The following SMARCA4 variants were observed in gnomAD, a reference collection of about 807,000 sequenced individuals.
SMARCA4 encodes SWI/SNF-related matrix-associated actin-dependent regulator of chromatin subfamily A member 4.
Under a neutral mutation model 193.9 loss-of-function variants are expected in SMARCA4, and 31 were observed. The ratio of observed to expected loss-of-function variants is 0.16; its 90% CI spans 0.12 to 0.22. The LOEUF (loss-of-function observed/expected upper bound fraction) is 0.22, where lower values mean the gene tolerates loss of function less well. Among genes scored for constraint, SMARCA4 ranks in the 10% least tolerant of loss-of-function variants. The probability of loss-of-function intolerance (pLI) is 1.00; values close to 1 mark genes in which losing one functional copy is unlikely to be tolerated. For synonymous variants in SMARCA4, 942 were observed against 933.1 expected (o/e 1.01, Z -0.17); for missense variants, 1,148 against 2,296.0 (o/e 0.50, Z 10.22).
At chr19:11,036,323 G>A (rs117987442) in intron 29 of SMARCA4, among the ~76,000 whole-genome samples, 8 of 152,312 alleles carry the variant, frequency 5.3e-5, no homozygotes, top group Admixed American at 1.3e-4. Context: ...AAGTCTTGCT[G>A]TGTTACCCAG....
At chr19:11,027,134 GGTA>G (rs1182161450) in intron 23 of SMARCA4, among the ~76,000 whole-genome samples, 3 of 152,150 alleles carry the variant, frequency 2.0e-5, no homozygotes, top group East Asian at 1.9e-4. Context: ...ATTCCCCTGG[GGTA>G]GTAAGCCATT....
intron 11 of SMARCA4, among the ~76,000 whole-genome samples, 172 bp from the exon 12 acceptor site, chr19:11,002,857 A>C (rs1000796275): frequency 7.2e-5 from 11 of 151,744 alleles, no homozygotes; most frequent in Non-Finnish European, 1.3e-4. Flanking sequence ...GATGGGTTAT[A>C]TATTTTTACT....
In SMARCA4 at chr19:11,013,056, G is replaced by T. The variant is rs373048420; in HGVS notation, c.2382G>T (p.Thr794=). Residue 794 remains threonine, a synonymous_variant, in exon 16 of 35, where the codon ACG becomes ACT. Coordinates refer to ENST00000344626, the MANE Select transcript of SMARCA4 (RefSeq NM_003072.5). ...GKTIQTIALI[T]YLMEHKRING... Reference sequence around the variant, plus strand: ...CCATCCAGACCATCGCGCTCATCACGTACCTCATGGAGCACAAACGCATCA... The same window carrying T: ...CCATCCAGACCATCGCGCTCATCACTTACCTCATGGAGCACAAACGCATCA... 4.3e-6 allele frequency: 7 copies of T among 1,614,108 alleles called. No homozygotes were observed. The highest frequency in any genetic ancestry group is 5.9e-6 in the Non-Finnish European group (7 of 1,179,996).
At chr19:10,978,553 C>G (rs541750282) in intron 1 of SMARCA4, among the ~76,000 whole-genome samples, 15 of 151,866 alleles carry the variant, frequency 9.9e-5, no homozygotes, top group Admixed American at 5.9e-4. Context: ...AGGCTGGTCT[C>G]GAACTCCTGA....
At chr19:11,051,066 T>G (rs934701406) in intron 30 of SMARCA4, among the ~76,000 whole-genome samples, 17 of 152,304 alleles carry the variant, frequency 1.1e-4, no homozygotes, top group African/African-American at 4.1e-4. Flanking sequence ...CTAAAAGTCA[T>G]GGATGGAGTT....
chr19:11,033,997 C>A lies in SMARCA4; in HGVS notation c.3874-126C>A. 2.6e-6 allele frequency: 2 copies of A among 781,438 alleles called. No homozygotes were observed. The highest frequency in any genetic ancestry group is 4.6e-6 in the Non-Finnish European group (2 of 433,028). The allele number at this position is 781,438 out of a possible 1,614,324, so 48.4% of individuals were successfully genotyped here. ...GTGTGCCTTTCGCTGCCGTGTGGGT[C>A]CCCATCCACCGCAGCCGTGCCGGGA... On this transcript the variant is annotated intron_variant, in intron 27 of 34. Transcript: ENST00000344626. This position sits in a 1 kb window ranked among gnomAD's most constrained non-coding sequence, Gnocchi z 9.8.
At chr19:11,010,820 G>A (rs1411374760) in intron 15 of SMARCA4, 3 of 457,936 alleles carry the variant, frequency 6.6e-6, no homozygotes, top group South Asian at 4.0e-5. Flanking sequence ...CAGAGGAGAC[G>A]GGGCCACCTG....
At chr19:11,002,799 CAAAAAAAAAAA>C (rs747143883) in intron 11 of SMARCA4, among the ~76,000 whole-genome samples, 3 of 83,700 alleles carry the variant, frequency 3.6e-5, no homozygotes, top group East Asian at 3.7e-4. Context: ...GACTCCGTCT[CAAAAAAAAAAA>C]AAAAAAAAAA....
intron 29 of SMARCA4, among the ~76,000 whole-genome samples, chr19:11,038,291 T>A (rs2075379594): frequency 1.3e-5 from 2 of 152,176 alleles, no homozygotes; most frequent in African/African-American, 4.8e-5. Flanking sequence ...CTGTGTCCCC[T>A]TCTGTGTCTT....
Position 10,963,018 on chromosome 19 carries a change from C to T in SMARCA4, c.-32+1844C>T, listed in dbSNP as rs539660828. 2.0e-5 allele frequency among the ~76,000 whole-genome samples: 3 copies of T among 152,150 alleles called. No homozygotes were observed. The East Asian group carries it at 5.8e-4, about 29-fold the overall frequency. On this transcript the variant is annotated intron_variant, in intron 1 of 34. Coordinates refer to ENST00000344626, the MANE Select transcript of SMARCA4 (RefSeq NM_003072.5). Reference sequence around the variant, plus strand: ...GGCCTGACACATAGTAGGTCTTTAGCGAACTTATGTGGATTGAATGAGGGG... The same window carrying T: ...GGCCTGACACATAGTAGGTCTTTAGTGAACTTATGTGGATTGAATGAGGGG...
intron 11 of SMARCA4, 38 bp downstream of exon 11, chr19:10,996,582 G>A (rs1335638417): frequency 1.9e-6 from 3 of 1,589,318 alleles, no homozygotes; most frequent in Non-Finnish European, 2.6e-6. Context: ...TATCAAGCTA[G>A]CCCTAAGGCG....
At chr19:10,961,651 C>G (rs886379854) in intron 1 of SMARCA4, 2 of 152,224 alleles carry the variant, frequency 1.3e-5, no homozygotes, top group Non-Finnish European at 2.9e-5. Context: ...GTCGGCCGGA[C>G]ACGGGCATTA....
At chr19:10,975,017 CTTTT>C (rs760199710) in intron 1 of SMARCA4, among the ~76,000 whole-genome samples, 2 of 101,042 alleles carry the variant, frequency 2.0e-5, no homozygotes, top group African/African-American at 8.0e-5. Flanking sequence ...TATAGTTATT[CTTTT>C]TTTTTTTTTT....
At chr19:11,044,978 T>C (rs2075817526) in intron 30 of SMARCA4, among the ~76,000 whole-genome samples, 1 of 152,202 alleles carries the variant, frequency 6.6e-6, no homozygotes, top group South Asian at 2.1e-4. Context: ...ATAGTACTGC[T>C]ACCTGGAAGA....
intron 30 of SMARCA4, among the ~76,000 whole-genome samples, chr19:11,045,078 TGGG>T (rs1308267751): frequency 6.6e-6 from 1 of 152,212 alleles, no homozygotes; most frequent in Non-Finnish European, 1.5e-5. Context: ...CCCAGCACTT[TGGG>T]AGGCCGAGGC....
intron 11 of SMARCA4, among the ~76,000 whole-genome samples, chr19:11,000,602 C>T (rs1396097187): frequency 3.9e-5 from 6 of 151,924 alleles, no homozygotes; most frequent in Admixed American, 3.9e-4. Context: ...AGTAATGGGC[C>T]AGGTGCGGTG....
At chr19:11,049,520 T>TGTAGCCCA (rs2076140503) in intron 30 of SMARCA4, among the ~76,000 whole-genome samples, 1 of 151,116 alleles carries the variant, frequency 6.6e-6, no homozygotes, top group Non-Finnish European at 1.5e-5. Context: ...AGTCTTGCTC[T>TGTAGCCCA]GTAGCCCAGG....
At chr19:11,047,005 A>G (rs995267719) in intron 30 of SMARCA4, among the ~76,000 whole-genome samples, 1 of 151,886 alleles carries the variant, frequency 6.6e-6, no homozygotes, top group African/African-American at 2.4e-5. Context: ...AATAATTTCA[A>G]ACATGATGTT....
chr19:10,991,715 AGGGCCCT>A (rs960366161), intron 8 of SMARCA4, among the ~76,000 whole-genome samples: 19 of 152,304 alleles, frequency 1.2e-4, no homozygotes, highest in African/African-American at 4.3e-4. Flanking sequence ...AGAAGGTGCA[AGGGCCCT>A]GGGGCTGGAA....
Sources: gnomAD v4.1 joint callset for allele counts (sites outside exome capture counted in the v4.1 genomes callset) on GRCh38, gnomAD v4.1.1 for gene constraint, Gnocchi (gnomAD v3.1) non-coding constraint, MANE v1.5 for transcripts, NCBI Gene and HGNC (gene_info 2026-07-23, HGNC 2026-07-21) for gene names.